PCDHB3: variants seen among roughly 807,000 people sequenced by gnomAD.
PCDHB3 encodes protocadherin beta 3.
For missense variants in PCDHB3, 967 were observed against 1,012.1 expected, an observed-to-expected ratio of 0.96 and a Z score of 0.60; for synonymous variants, 479 against 456.0, an observed-to-expected ratio of 1.05 and a Z score of -0.64.
Position 141,100,925 on chromosome 5 carries a change from G to C in PCDHB3, c.276G>C (p.Arg92=), listed in dbSNP as rs551879104. The change falls in exon 1 of 1, where the codon CGG becomes CGC. Residue 92 remains arginine, a synonymous_variant. Coordinates refer to ENST00000231130, the MANE Select transcript of PCDHB3 (RefSeq NM_018937.5). ...TGCTCCTGAATGAGAAATTGGACCGGGAGGAGCTATGCGGCCCCACAGAAC... is the reference window on the plus strand; with the variant it reads ...TGCTCCTGAATGAGAAATTGGACCGCGAGGAGCTATGCGGCCCCACAGAAC... ...GDLLLNEKLD[R]EELCGPTEPC... is the part of the protein sequence containing the mutation. The C allele has an allele frequency of 1.2e-6, 2 of 1,614,070 alleles. No homozygotes were observed. The highest frequency in any genetic ancestry group is 2.7e-5 in the African/African-American group (2 of 75,024).
In PCDHB3 at chr5:141,101,973, T is replaced by C; in HGVS notation, c.1324T>C (p.Ser442Pro). ...CAAGTACAACATAACCGTGCTGGTC[T>C]CCGACGTCAATGACAACGCCCCCGC... ...KTKYNITVLV[S>P]DVNDNAPAFT... The change falls in exon 1 of 1, where the codon TCC becomes CCC. Residue 442 changes from serine to proline, a missense_variant. Ser to Pro is a moderately conservative substitution (Grantham distance 74, BLOSUM62 -1). Transcript: ENST00000231130. 1 of 1,613,568 alleles carries C rather than the reference T, an allele frequency of 6.2e-7. No individual in the cohort carries two copies. Among genetic ancestry groups the C allele is most frequent in the Non-Finnish European group, 8.5e-7 (1 of 1,180,014 alleles).
In PCDHB3 at chr5:141,102,197, C is replaced by T. The variant is rs1751968195; in HGVS notation, c.1548C>T (p.Leu516=). ...CGGACAACGGCCACCTGTTTGCCCT[C>T]AGGTCGCTGGACTACGAGGCCCTGC... is the stretch of plus-strand genomic sequence containing the variant. The part of the protein sequence containing the change: ...INADNGHLFA[L]RSLDYEALQA... The change falls in exon 1 of 1, where the codon CTC becomes CTT. Residue 516 remains leucine, a synonymous_variant. Coordinates refer to ENST00000231130, the MANE Select transcript of PCDHB3 (RefSeq NM_018937.5). 6.2e-7 allele frequency: 1 copy of T among 1,612,906 alleles called. No homozygotes were observed. The highest frequency in any genetic ancestry group is 8.5e-7 in the Non-Finnish European group (1 of 1,179,920).
rs782586955 is a variant in PCDHB3 at position 141,101,898 on chromosome 5, TACA to T, written c.1253_1255del (p.Asn418del). On this transcript the variant is annotated inframe_deletion, in exon 1 of 1. Transcript: ENST00000231130. ...GCTGGACAGAGAGACCAGATCCGAGTACAACATTACCATCACTATCACTGACCT... is the reference window on the plus strand; with the variant it reads ...GCTGGACAGAGAGACCAGATCCGAGTACATTACCATCACTATCACTGACCT... 3.1e-6 allele frequency: 5 copies of T among 1,613,866 alleles called. No homozygotes were observed. The African/African-American group carries it at 6.7e-5, about 22-fold the overall frequency.
Position 141,103,149 on chromosome 5 carries a change from C to A in PCDHB3, c.*109C>A. Reference sequence around the variant, plus strand: ...TTTTGGTCTGGTTCAAGGCAAGTAGCAAGAATAGAGCAAAATATCAAATCC... The same window carrying A: ...TTTTGGTCTGGTTCAAGGCAAGTAGAAAGAATAGAGCAAAATATCAAATCC... On this transcript the variant is annotated 3_prime_UTR_variant, in exon 1 of 1. Transcript: ENST00000231130. 3 of 1,320,616 alleles carry A rather than the reference C, an allele frequency of 2.3e-6. No individual in the cohort carries two copies. Among genetic ancestry groups the A allele is most frequent in the Non-Finnish European group, 2.1e-6 (2 of 959,514 alleles). 81.8% of individuals were successfully genotyped at this position (1,320,616 alleles called of 1,614,324 possible). A position where few individuals can be genotyped will look rare whatever the true frequency, so the allele number is the denominator to read the frequency against.
chr5:141,101,212 G>C lies in PCDHB3; in HGVS notation c.563G>C (p.Gly188Ala). ...FHVLTRSRRD[G>A]RKYPELVLDK... ...GTACTCACTCGCAGTCGTAGGGACG[G>C]AAGGAAGTACCCGGAACTAGTACTG... is the stretch of plus-strand genomic sequence containing the variant. Residue 188 changes from glycine (G) to alanine (A), a missense_variant, in exon 1 of 1, where the codon GGA (glycine) becomes GCA (alanine). Physicochemically the swap from Gly to Ala is moderately conservative, Grantham distance 60 (BLOSUM62 0). Transcript: ENST00000231130. 2 of 1,614,178 alleles carry C rather than the reference G, an allele frequency of 1.2e-6. No individual in the cohort carries two copies. Among genetic ancestry groups the C allele is most frequent in the Non-Finnish European group, 1.7e-6 (2 of 1,180,048 alleles).
At position 141,101,103 on chromosome 5, in the gene PCDHB3, A is replaced by T. The variant is rs782422768; in HGVS notation, c.454A>T (p.Ile152Phe). The T allele has an allele frequency of 6.2e-7, 1 of 1,614,080 alleles. No homozygotes were observed. Among genetic ancestry groups the T allele is most frequent in the African/African-American group, 1.3e-5 (1 of 74,932 alleles). Residue 152 changes from isoleucine (I) to phenylalanine (F), a missense_variant, in exon 1 of 1, where the codon ATT (isoleucine) becomes TTT (phenylalanine). Physicochemically the swap from Ile to Phe is conservative, Grantham distance 21 (BLOSUM62 0). Coordinates refer to ENST00000231130, the MANE Select transcript of PCDHB3 (RefSeq NM_018937.5). ...AGAAAGCACTCTGCCAGGAACAGTAATTCCTTTGGGAAATGCTGAGGACTT... is the reference window on the plus strand; with the variant it reads ...AGAAAGCACTCTGCCAGGAACAGTATTTCCTTTGGGAAATGCTGAGGACTT... ...ILESTLPGTV[I>F]PLGNAEDLDV...
Position 141,103,214 on chromosome 5 carries a change from TTG to T in PCDHB3, c.*179_*180del. 1.5e-6 allele frequency: 1 copy of T among 649,448 alleles called. No individual in the cohort carries two copies. Among genetic ancestry groups the T allele is most frequent in the East Asian group, 2.8e-5 (1 of 35,114 alleles). 40.2% of individuals were successfully genotyped at this position (649,448 alleles called of 1,614,324 possible). On this transcript the variant is annotated 3_prime_UTR_variant, in exon 1 of 1. Coordinates refer to ENST00000231130, the MANE Select transcript of PCDHB3 (RefSeq NM_018937.5). ...TTTCATTAACAGTACTGGAAAGTAG[TTG>T]TGTGGCTCTGAATGTTTTGTATTTC... is the stretch of plus-strand genomic sequence containing the variant.
At position 141,101,842 on chromosome 5, in the gene PCDHB3, A is replaced by G; in HGVS notation, c.1193A>G (p.Glu398Gly). 6.2e-7 allele frequency: 1 copy of G among 1,614,186 alleles called. No homozygotes were observed. The highest frequency in any genetic ancestry group is 8.5e-7 in the Non-Finnish European group (1 of 1,180,040). Residue 398 changes from glutamate to glycine, a missense_variant, in exon 1 of 1, where the codon GAG (glutamate) becomes GGG (glycine). Coordinates refer to ENST00000231130, the MANE Select transcript of PCDHB3 (RefSeq NM_018937.5). ...NLPFFLKPSVENFYTLVSEGA... is the reference protein window; with the variant it reads ...NLPFFLKPSVGNFYTLVSEGA... ...CCCTTCTTCCTGAAACCATCTGTAGAGAATTTTTACACCCTAGTGTCAGAA... is the reference window on the plus strand; with the variant it reads ...CCCTTCTTCCTGAAACCATCTGTAGGGAATTTTTACACCCTAGTGTCAGAA...
At position 141,101,954 on chromosome 5, in the gene PCDHB3, C is replaced by A. The variant is rs1554272418; in HGVS notation, c.1305C>A (p.Tyr435Ter). The A allele has an allele frequency of 6.2e-7, 1 of 1,613,912 alleles. No homozygotes were observed. Among genetic ancestry groups the A allele is most frequent in the Admixed American group, 1.7e-5 (1 of 60,022 alleles). The change falls in exon 1 of 1, where the codon TAC becomes TAA. Residue 435 changes from tyrosine to a stop codon, truncating the protein, a stop_gained. Coordinates refer to ENST00000231130, the MANE Select transcript of PCDHB3 (RefSeq NM_018937.5). LOFTEE classifies it low-confidence loss of function (END_TRUNC). Reference protein sequence around the residue: ...DLGTPRLKTKYNITVLVSDVN... With the variant: ...DLGTPRLKTK Reference sequence around the variant, plus strand: ...GGACACCCAGGCTGAAAACCAAGTACAACATAACCGTGCTGGTCTCCGACG... The same window carrying A: ...GGACACCCAGGCTGAAAACCAAGTAAAACATAACCGTGCTGGTCTCCGACG...
In PCDHB3 at chr5:141,101,773, C is replaced by T. The variant is rs539314179; in HGVS notation, c.1124C>T (p.Ser375Phe). 6.2e-7 allele frequency: 1 copy of T among 1,614,108 alleles called. No homozygotes were observed. The highest frequency in any genetic ancestry group is 1.3e-5 in the African/African-American group (1 of 75,016). The change falls in exon 1 of 1, where the codon TCT (serine) becomes TTT (phenylalanine). Residue 375 changes from serine (S) to phenylalanine (F), a missense_variant. Coordinates refer to ENST00000231130, the MANE Select transcript of PCDHB3 (RefSeq NM_018937.5). ...GTTTTCAGTGTTTCTGATCTAGACT[C>T]TGGAGACAACGGAAGAGTGATGTGT... Reference protein sequence around the residue: ...LAVFSVSDLDSGDNGRVMCSI... With the variant: ...LAVFSVSDLDFGDNGRVMCSI...
Position 141,101,877 on chromosome 5 carries a change from G to C in PCDHB3, c.1228G>C (p.Asp410His). ...FYTLVSEGAL[D>H]RETRSEYNIT... ...CACCCTAGTGTCAGAAGGCGCGCTGGACAGAGAGACCAGATCCGAGTACAA... is the reference window on the plus strand; with the variant it reads ...CACCCTAGTGTCAGAAGGCGCGCTGCACAGAGAGACCAGATCCGAGTACAA... The change falls in exon 1 of 1, where the codon GAC (aspartate) becomes CAC (histidine). Residue 410 changes from aspartate (D) to histidine (H), a missense_variant. By Grantham distance (81) the Asp-to-His change is moderately conservative (BLOSUM62 -1). Coordinates refer to ENST00000231130, the MANE Select transcript of PCDHB3 (RefSeq NM_018937.5). 6.2e-7 allele frequency: 1 copy of C among 1,614,158 alleles called. No homozygotes were observed.
In PCDHB3 at chr5:141,101,453, C is replaced by T. The variant is rs781856370; in HGVS notation, c.804C>T (p.Asp268=). ...NSVIVTVSAS[D]LDTGSFGTIS... ...TCATTGTCACTGTCTCGGCTTCTGACTTAGATACAGGAAGTTTTGGGACAA... is the reference window on the plus strand; with the variant it reads ...TCATTGTCACTGTCTCGGCTTCTGATTTAGATACAGGAAGTTTTGGGACAA... Residue 268 remains aspartate (D), a synonymous_variant, in exon 1 of 1, where the codon GAC becomes GAT. Coordinates refer to ENST00000231130, the MANE Select transcript of PCDHB3 (RefSeq NM_018937.5). 5.0e-6 allele frequency: 8 copies of T among 1,614,162 alleles called. No homozygotes were observed. The South Asian group carries it at 8.8e-5, about 18-fold the overall frequency.
At position 141,101,091 on chromosome 5, in the gene PCDHB3, C is replaced by G; in HGVS notation, c.442C>G (p.Pro148Ala). The G allele has an allele frequency of 2.5e-6, 4 of 1,614,182 alleles. No homozygotes were observed. The South Asian group carries it at 4.4e-5, about 18-fold the overall frequency. Reference protein sequence around the residue: ...MHLKILESTLPGTVIPLGNAE... With the variant: ...MHLKILESTLAGTVIPLGNAE... ...TCTGAAAATCCTAGAAAGCACTCTG[C>G]CAGGAACAGTAATTCCTTTGGGAAA... The change falls in exon 1 of 1, where the codon CCA (proline) becomes GCA (alanine). Residue 148 changes from proline (P) to alanine (A), a missense_variant. Coordinates refer to ENST00000231130, the MANE Select transcript of PCDHB3 (RefSeq NM_018937.5).
rs782249140 is a variant in PCDHB3 at position 141,101,881 on chromosome 5, G to A, written c.1232G>A (p.Arg411Lys). The change falls in exon 1 of 1, where the codon AGA (arginine) becomes AAA (lysine). Residue 411 changes from arginine to lysine, a missense_variant. By Grantham distance (26) the Arg-to-Lys change is conservative. Coordinates refer to ENST00000231130, the MANE Select transcript of PCDHB3 (RefSeq NM_018937.5). Reference protein sequence around the residue: ...YTLVSEGALDRETRSEYNITI... With the variant: ...YTLVSEGALDKETRSEYNITI... The stretch of plus-strand genomic sequence containing the variant: ...CTAGTGTCAGAAGGCGCGCTGGACA[G>A]AGAGACCAGATCCGAGTACAACATT... 1.1e-5 allele frequency: 17 copies of A among 1,614,194 alleles called. No homozygotes were observed. The highest frequency in any genetic ancestry group is 2.2e-5 in the East Asian group (1 of 44,872).
Position 141,102,647 on chromosome 5 carries a change from C to T in PCDHB3, c.1998C>T (p.Phe666=). The T allele has an allele frequency of 6.2e-7, 1 of 1,610,500 alleles. No homozygotes were observed. The highest frequency in any genetic ancestry group is 8.5e-7 in the Non-Finnish European group (1 of 1,179,772). The part of the protein sequence containing the change: ...ATLHVLLVDG[F]SQPYLPLPEA... ...TGCATGTGCTCCTGGTGGACGGCTT[C>T]TCCCAGCCCTACCTGCCTCTCCCGG... Residue 666 remains phenylalanine, a synonymous_variant, in exon 1 of 1, where the codon TTC becomes TTT. Transcript: ENST00000231130.
chr5:141,101,224 C>T lies in PCDHB3; in HGVS notation c.575C>T (p.Pro192Leu), dbSNP rs1163698204. ...AGTCGTAGGGACGGAAGGAAGTACCCGGAACTAGTACTGGATAAAGCGCTC... is the reference window on the plus strand; with the variant it reads ...AGTCGTAGGGACGGAAGGAAGTACCTGGAACTAGTACTGGATAAAGCGCTC... The part of the protein sequence containing the change: ...TRSRRDGRKY[P>L]ELVLDKALDP... Residue 192 changes from proline (P) to leucine (L), a missense_variant, in exon 1 of 1, where the codon CCG (proline) becomes CTG (leucine). Pro to Leu is a moderately conservative substitution (Grantham distance 98). Transcript: ENST00000231130. 13 of 1,614,096 alleles carry T rather than the reference C, an allele frequency of 8.1e-6. No individual in the cohort carries two copies. The highest frequency in any genetic ancestry group is 1.0e-5 in the Non-Finnish European group (12 of 1,180,034).
chr5:141,101,167 C>T lies in PCDHB3; in HGVS notation c.518C>T (p.Thr173Ile), dbSNP rs375513772. The change falls in exon 1 of 1, where the codon ACT becomes ATT. Residue 173 changes from threonine to isoleucine, a missense_variant. Transcript: ENST00000231130. The stretch of plus-strand genomic sequence containing the variant: ...AACAGCCTCCAAAACTACACTATCA[C>T]TCCGAATTCCCACTTCCACGTACTC... The part of the protein sequence containing the change: ...GRNSLQNYTI[T>I]PNSHFHVLTR... 11 of 1,614,022 alleles carry T rather than the reference C, an allele frequency of 6.8e-6. No individual in the cohort carries two copies. In the African/African-American group the frequency reaches 1.3e-4, roughly 20 times the overall value.
chr5:141,102,900 T>C lies in PCDHB3; in HGVS notation c.2251T>C (p.Tyr751His). The C allele has an allele frequency of 1.9e-6, 3 of 1,613,538 alleles. No individual in the cohort carries two copies. The highest frequency in any genetic ancestry group is 1.7e-5 in the Admixed American group (1 of 60,002). ...GTGTLSQSYQ[Y>H]EVCLTGGSGT... ...CGGGACCCTGTCCCAGAGCTACCAG[T>C]ACGAGGTGTGTCTGACTGGAGGCTC... is the stretch of plus-strand genomic sequence containing the variant. Residue 751 changes from tyrosine (Y) to histidine (H), a missense_variant, in exon 1 of 1, where the codon TAC becomes CAC. Coordinates refer to ENST00000231130, the MANE Select transcript of PCDHB3 (RefSeq NM_018937.5).
rs782698505 is a variant in PCDHB3 at position 141,101,968 on chromosome 5, T to G, written c.1319T>G (p.Leu440Arg). 1.2e-6 allele frequency: 2 copies of G among 1,613,724 alleles called. No homozygotes were observed. Among genetic ancestry groups the G allele is most frequent in the Middle Eastern group, 1.8e-4 (1 of 5,696 alleles). Residue 440 changes from leucine (L) to arginine (R), a missense_variant, in exon 1 of 1, where the codon CTG becomes CGG. By Grantham distance (102) the Leu-to-Arg change is moderately radical. Coordinates refer to ENST00000231130, the MANE Select transcript of PCDHB3 (RefSeq NM_018937.5). ...AAAACCAAGTACAACATAACCGTGCTGGTCTCCGACGTCAATGACAACGCC... is the reference window on the plus strand; with the variant it reads ...AAAACCAAGTACAACATAACCGTGCGGGTCTCCGACGTCAATGACAACGCC... ...RLKTKYNITV[L>R]VSDVNDNAPA...
Sources: gnomAD v4.1 joint callset for allele counts on GRCh38, gnomAD v4.1.1 for gene constraint, MANE v1.5 for transcripts, NCBI Gene and HGNC (gene_info 2026-07-23, HGNC 2026-07-21) for gene names.